Variants in MGAT4C observed in about 807,000 individuals in gnomAD.
MGAT4C encodes alpha-1,3-mannosyl-glycoprotein 4-beta-N-acetylglucosaminyltransferase C.
MGAT4C carries 19 observed loss-of-function variants against 40.1 expected under a neutral mutation model. The observed-to-expected ratio is 0.47, with a 90% CI of 0.33 to 0.70. MGAT4C has a LOEUF of 0.70. Ranked by LOEUF, MGAT4C falls within the 30% of genes least tolerant of loss-of-function variation. The pLI is 0.02. For missense variants in MGAT4C, 491 were observed against 563.2 expected (o/e 0.87, Z 1.30); for synonymous variants, 181 against 187.1 (o/e 0.97, Z 0.27).
At chr12:86,078,090 G>A (rs945718738) in intron 1 of MGAT4C, among the ~76,000 whole-genome samples, 1 of 152,168 alleles carries the variant, frequency 6.6e-6, no homozygotes, top group Non-Finnish European at 1.5e-5. Context: ...GGGTGATGGT[G>A]AGTGGTGCCA....
chr12:86,355,002 T>G lies in MGAT4C; in HGVS notation c.-119-20875A>C, dbSNP rs185080053. ...CCAGCTTTTATTCCCTTATTTGTTC[T>G]CGCCCTTGTCCTACTGATTGGTCCA... On this transcript the variant is annotated intron_variant, in intron 3 of 7. Transcript: ENST00000548651. 1.2e-3 allele frequency among the ~76,000 whole-genome samples: 181 copies of G among 152,330 alleles called. 7 individuals are homozygous for G. In the East Asian group the frequency reaches 0.027, roughly 23 times the overall value.
intron 2 of MGAT4C, among the ~76,000 whole-genome samples, chr12:86,633,640 A>C (rs1963130321): frequency 6.6e-6 from 1 of 152,180 alleles, no homozygotes; most frequent in Admixed American, 6.6e-5. Flanking sequence ...CAGTTGTAGA[A>C]AAATGTGCCA....
chr12:86,081,095 G>A (rs947342626), intron 1 of MGAT4C, among the ~76,000 whole-genome samples: 2 of 152,110 alleles, frequency 1.3e-5, no homozygotes, highest in South Asian at 4.1e-4. Context: ...GAGGAAGTAT[G>A]CATTTTAACA....
chr12:86,774,087 G>A (rs1951688097), intron 1 of MGAT4C, among the ~76,000 whole-genome samples: 1 of 150,902 alleles, frequency 6.6e-6, no homozygotes, highest in South Asian at 2.1e-4. Context: ...CTAAGCAGCT[G>A]GGACTACAGC....
intron 1 of MGAT4C, among the ~76,000 whole-genome samples, chr12:86,756,607 G>T (rs896597080): frequency 6.6e-6 from 1 of 151,992 alleles, no homozygotes; most frequent in African/African-American, 2.4e-5. Context: ...TTTCATAGGA[G>T]GGAAATAAAC....
chr12:86,715,095 T>C (rs1183147786), intron 2 of MGAT4C, among the ~76,000 whole-genome samples: 1 of 152,134 alleles, frequency 6.6e-6, no homozygotes, highest in Non-Finnish European at 1.5e-5. Flanking sequence ...AATTCCTAAA[T>C]AGCCCTTTAC....
chr12:86,511,235 A>C (rs967413954), intron 2 of MGAT4C, among the ~76,000 whole-genome samples: 2 of 152,228 alleles, frequency 1.3e-5, no homozygotes, highest in East Asian at 3.9e-4. Flanking sequence ...CTGCTCCTGA[A>C]TGACTACTGG....
intron 1 of MGAT4C, 109 bp from the exon 2 acceptor site, chr12:86,049,832 C>T: frequency 5.0e-6 from 1 of 200,350 alleles, no homozygotes; most frequent in Non-Finnish European, 8.9e-6. Context: ...CATCTAACTG[C>T]ATTAGGATCA....
chr12:86,274,110 G>A (rs1454290348), intron 4 of MGAT4C, among the ~76,000 whole-genome samples: 1 of 152,112 alleles, frequency 6.6e-6, no homozygotes, highest in Non-Finnish European at 1.5e-5. Context: ...AGGAGAAGGA[G>A]CAACAAAGAG....
At chr12:86,489,429 C>A (rs577311870) in intron 2 of MGAT4C, among the ~76,000 whole-genome samples, 1 of 152,242 alleles carries the variant, frequency 6.6e-6, no homozygotes, top group East Asian at 1.9e-4. Flanking sequence ...GTGTGGGTAC[C>A]CTAAAAGGCT....
chr12:86,708,015 T>C (rs1476002861), intron 2 of MGAT4C, among the ~76,000 whole-genome samples: 1 of 152,182 alleles, frequency 6.6e-6, no homozygotes, highest in Non-Finnish European at 1.5e-5. Flanking sequence ...TTTGCATAAG[T>C]AACAAGGAGC....
chr12:86,310,010 T>C (rs553898049), intron 4 of MGAT4C, among the ~76,000 whole-genome samples: 2 of 152,202 alleles, frequency 1.3e-5, no homozygotes, highest in East Asian at 3.9e-4. Context: ...ACTTTATTAA[T>C]AGAGTACTAG....
At chr12:85,999,197 G>A (rs1351385309) in intron 2 of MGAT4C, among the ~76,000 whole-genome samples, 3 of 152,118 alleles carry the variant, frequency 2.0e-5, no homozygotes, top group Non-Finnish European at 4.4e-5. Flanking sequence ...CTGCCACCAT[G>A]ATTCCATTGC....
At chr12:86,503,822 C>A (rs1958420214) in intron 2 of MGAT4C, among the ~76,000 whole-genome samples, 2 of 57,804 alleles carry the variant, frequency 3.5e-5, no homozygotes, top group South Asian at 7.6e-4. Flanking sequence ...ATGAGTTCTG[C>A]TCAATTTTCT....
intron 2 of MGAT4C, among the ~76,000 whole-genome samples, chr12:86,665,648 G>A (rs927002576): frequency 6.6e-6 from 1 of 152,108 alleles, no homozygotes; most frequent in Non-Finnish European, 1.5e-5. Flanking sequence ...GGGGATTACA[G>A]GCGTGAGCCA....
intron 2 of MGAT4C, among the ~76,000 whole-genome samples, chr12:86,701,509 T>C (rs1950364192): frequency 6.6e-6 from 1 of 152,132 alleles, no homozygotes; most frequent in South Asian, 2.1e-4. Context: ...TTTATTAATA[T>C]TTGTTCTCAC....
intron 2 of MGAT4C, among the ~76,000 whole-genome samples, chr12:86,489,322 C>G (rs1958083784): frequency 6.6e-6 from 1 of 152,178 alleles, no homozygotes; most frequent in Non-Finnish European, 1.5e-5. Context: ...CAGTAAAATT[C>G]TCTACATTCA....
At chr12:86,411,469 G>A (rs1209894161) in intron 3 of MGAT4C, among the ~76,000 whole-genome samples, 1 of 152,162 alleles carries the variant, frequency 6.6e-6, no homozygotes, top group Admixed American at 6.5e-5. Context: ...TGAACTAGGG[G>A]TTTGTGGAAC....
intron 2 of MGAT4C, among the ~76,000 whole-genome samples, chr12:86,045,326 C>G (rs1892284578): frequency 1.3e-5 from 2 of 152,110 alleles, no homozygotes; most frequent in Non-Finnish European, 2.9e-5. Context: ...ATTGGGAAGG[C>G]TTATCCTAGT....
Sources: allele counts gnomAD v4.1 joint callset (sites outside exome capture counted in the v4.1 genomes callset), GRCh38; gene constraint gnomAD v4.1.1; transcripts MANE v1.5; gene names NCBI Gene and HGNC (gene_info 2026-07-23, HGNC 2026-07-21).